GRID1: variants seen among roughly 807,000 people sequenced by gnomAD.
GRID1 encodes the protein glutamate ionotropic receptor delta type subunit 1, also known as glutamate receptor ionotropic, delta-1.
In GRID1, 28 loss-of-function variants were observed where a neutral mutation model predicts 98.0. The ratio of observed to expected loss-of-function variants is 0.29; its 90% CI spans 0.21 to 0.39. The LOEUF (loss-of-function observed/expected upper bound fraction) is 0.39, where lower values mean the gene tolerates loss of function less well. Ranked by LOEUF, GRID1 falls within the 10% of genes least tolerant of loss-of-function variation. The probability of loss-of-function intolerance (pLI) is 1.00; values close to 1 mark genes in which losing one functional copy is unlikely to be tolerated. For missense variants in GRID1, 1,111 were observed against 1,340.5 expected, an observed-to-expected ratio of 0.83 and a Z score of 2.67; for synonymous variants, 553 against 538.5, an observed-to-expected ratio of 1.03 and a Z score of -0.37.
At chr10:85,744,462 C>A (rs1022134436) in intron 8 of GRID1, among the ~76,000 whole-genome samples, 10 of 150,750 alleles carry the variant, frequency 6.6e-5, no homozygotes, top group African/African-American at 2.5e-4. Flanking sequence ...GAAAAACAAG[C>A]AATGGGGAAA....
At chr10:85,726,966 C>T (rs183724238) in intron 10 of GRID1, among the ~76,000 whole-genome samples, 29 of 152,204 alleles carry the variant, frequency 1.9e-4, no homozygotes, top group African/African-American at 1.2e-4. Flanking sequence ...AGAAATCGGA[C>T]GAATGACAAG....
In GRID1 at chr10:85,866,603, G is replaced by A. The variant is rs150759605; in HGVS notation, c.951+2407C>T. ...CAGATTTCAGAGTACTTCAGATTTC[G>A]GATTTTCATATTAGAGATACTCAAC... is the stretch of plus-strand genomic sequence containing the variant. On this transcript the variant is annotated intron_variant, in intron 6 of 15. Transcript: ENST00000327946. Among the ~76,000 whole-genome samples, 977 of 151,984 alleles carry A rather than the reference G, an allele frequency of 6.4e-3. 12 individuals are homozygous for A. The highest frequency in any genetic ancestry group is 0.014 in the Middle Eastern group (4 of 294).
intron 3 of GRID1, among the ~76,000 whole-genome samples, chr10:86,171,269 C>A (rs761412898): frequency 2.6e-5 from 4 of 152,186 alleles, no homozygotes; most frequent in Non-Finnish European, 5.9e-5. Context: ...AGGGAAGGGA[C>A]CTGGGGCAAT....
intron 3 of GRID1, among the ~76,000 whole-genome samples, chr10:86,204,521 C>A (rs1466727597): frequency 6.6e-6 from 1 of 152,226 alleles, no homozygotes; most frequent in African/African-American, 2.4e-5. Flanking sequence ...GGACACCTTT[C>A]TTTGAGGACC....
chr10:86,346,041 C>G (rs952873572), intron 2 of GRID1, among the ~76,000 whole-genome samples: 2 of 152,228 alleles, frequency 1.3e-5, no homozygotes, highest in Non-Finnish European at 2.9e-5. Context: ...AGGCACCACC[C>G]CTGTGCTCCC....
intron 2 of GRID1, among the ~76,000 whole-genome samples, chr10:86,339,129 C>T (rs1848272676): frequency 6.6e-6 from 1 of 152,232 alleles, no homozygotes; most frequent in South Asian, 2.1e-4. Context: ...AACACAGTGC[C>T]TGGTGCCTGG....
At chr10:85,607,881 A>C (rs1178997814) in intron 15 of GRID1, among the ~76,000 whole-genome samples, 2 of 147,868 alleles carry the variant, frequency 1.4e-5, no homozygotes, top group East Asian at 2.0e-4. Flanking sequence ...GCAGTGGCCC[A>C]ATCTCGGCTC....
intron 4 of GRID1, among the ~76,000 whole-genome samples, chr10:85,939,899 C>T (rs1306545658): frequency 6.6e-6 from 1 of 151,926 alleles, no homozygotes; most frequent in African/African-American, 2.4e-5. Context: ...AATCCCATCT[C>T]TACTAAAAAT....
At chr10:85,882,335 T>G (rs566576064) in intron 5 of GRID1, among the ~76,000 whole-genome samples, 17 of 150,234 alleles carry the variant, frequency 1.1e-4, no homozygotes, top group Non-Finnish European at 2.1e-4. Flanking sequence ...TATGTTTATT[T>G]TGGCACTATT....
intron 5 of GRID1, among the ~76,000 whole-genome samples, chr10:85,889,763 T>C (rs1841168588): frequency 1.3e-5 from 2 of 152,206 alleles, no homozygotes; most frequent in African/African-American, 4.8e-5. Context: ...CTATACTGTT[T>C]TCCATAATGA....
intron 13 of GRID1, among the ~76,000 whole-genome samples, chr10:85,631,783 G>A (rs1418942289): frequency 1.3e-5 from 2 of 152,122 alleles, no homozygotes; most frequent in Non-Finnish European, 1.5e-5. Flanking sequence ...AAAAGAAAGA[G>A]CAAATTGGTG....
chr10:86,129,276 G>A (rs186752965), intron 4 of GRID1, among the ~76,000 whole-genome samples: 1 of 152,260 alleles, frequency 6.6e-6, no homozygotes, highest in Admixed American at 6.5e-5. Context: ...CTACTCCGTG[G>A]CAATGTTCAC....
chr10:86,114,881 T>A (rs1004741476), intron 4 of GRID1, among the ~76,000 whole-genome samples: 1 of 152,192 alleles, frequency 6.6e-6, no homozygotes, highest in Non-Finnish European at 1.5e-5. Flanking sequence ...TGCATTTCCA[T>A]CACCCAGTAC....
At chr10:85,942,381 A>G (rs1349825670) in intron 4 of GRID1, among the ~76,000 whole-genome samples, 1 of 152,150 alleles carries the variant, frequency 6.6e-6, no homozygotes, top group Non-Finnish European at 1.5e-5. Context: ...CAGAGTTCAG[A>G]GGGGTCTCTG....
At chr10:86,354,903 C>A (rs958901480) in intron 2 of GRID1, among the ~76,000 whole-genome samples, 1 of 152,230 alleles carries the variant, frequency 6.6e-6, no homozygotes, top group African/African-American at 2.4e-5. Context: ...TCCTTCCCTG[C>A]TCTCTTGAGA....
At chr10:85,722,413 T>G (rs1473554293) in intron 12 of GRID1, among the ~76,000 whole-genome samples, 1 of 152,214 alleles carries the variant, frequency 6.6e-6, no homozygotes, top group African/African-American at 2.4e-5. Flanking sequence ...ACACTATTTT[T>G]GGGAATCTGA....
At chr10:86,345,610 G>T (rs1848370659) in intron 2 of GRID1, among the ~76,000 whole-genome samples, 1 of 152,218 alleles carries the variant, frequency 6.6e-6, no homozygotes, top group Non-Finnish European at 1.5e-5. Context: ...GATGCCTGCA[G>T]AGGCAGGGGT....
chr10:85,622,492 C>T (rs1004518572), intron 13 of GRID1, among the ~76,000 whole-genome samples: 4 of 152,186 alleles, frequency 2.6e-5, no homozygotes, highest in Non-Finnish European at 4.4e-5. Flanking sequence ...AGTCCTTCTT[C>T]AGCATCTTGA....
At chr10:86,296,746 A>T (rs1047428175) in intron 2 of GRID1, among the ~76,000 whole-genome samples, 9 of 150,782 alleles carry the variant, frequency 6.0e-5, no homozygotes, top group African/African-American at 2.2e-4. Context: ...CTCAAAAATA[A>T]ATATATAAAT....
Sources: gnomAD v4.1 joint callset for allele counts (sites outside exome capture counted in the v4.1 genomes callset) on GRCh38, gnomAD v4.1.1 for gene constraint, MANE v1.5 for transcripts, NCBI Gene and HGNC (gene_info 2026-07-23, HGNC 2026-07-21) for gene names.